Variants in PDE4B observed in about 807,000 individuals in gnomAD.
PDE4B encodes 3',5'-cyclic-AMP phosphodiesterase 4B.
PDE4B carries 20 observed loss-of-function variants against 82.2 expected under a neutral mutation model. The observed-to-expected ratio is 0.24, with a 90% CI of 0.17 to 0.35. The LOEUF (loss-of-function observed/expected upper bound fraction) is 0.35. PDE4B is among the 10% of genes least tolerant of loss of function. The pLI is 1.00. For synonymous variants in PDE4B, 320 were observed against 318.9 expected (o/e 1.00, Z -0.04); for missense variants, 655 against 907.2 (o/e 0.72, Z 3.57).
At chr1:66,367,877 T>C (rs1433278388) in intron 14 of PDE4B, 27 bp downstream of exon 14, 1 of 1,612,674 alleles carries the variant, frequency 6.2e-7, no homozygotes, top group Non-Finnish European at 8.5e-7. Flanking sequence ...TCTACATTCC[T>C]CACTTACTGC....
At position 66,372,738 on chromosome 1, in the gene PDE4B, A is replaced by T; in HGVS notation, c.*60A>T. ...TTGATGAGCATGCCAGCTATGTGGT[A>T]GGGCCAGCCCACCATGGGGGCCAAG... On this transcript the variant is annotated 3_prime_UTR_variant, in exon 17 of 17. Transcript: ENST00000341517. The T allele has an allele frequency of 6.5e-7, 1 of 1,546,358 alleles. No individual in the cohort carries two copies. The highest frequency in any genetic ancestry group is 1.4e-5 in the African/African-American group (1 of 73,420).
rs527562464 is a variant in PDE4B, at chr1:66,008,173, A to G, written c.281+89338A>G. On this transcript the variant is annotated intron_variant, in intron 3 of 16. Transcript: ENST00000341517. Reference sequence around the variant, plus strand: ...GAGAATAAACCATTAAACTAGAAGAATTAATTTCTACTTACAGAATTTGGC... The same window carrying G: ...GAGAATAAACCATTAAACTAGAAGAGTTAATTTCTACTTACAGAATTTGGC... Among the ~76,000 whole-genome samples the G allele has an allele frequency of 3.3e-5, 5 of 152,300 alleles. No homozygotes were observed. The South Asian group carries it at 1.0e-3, about 32-fold the overall frequency.
intron 3 of PDE4B, among the ~76,000 whole-genome samples, chr1:66,185,363 G>A (rs1647165812): frequency 6.6e-6 from 1 of 152,178 alleles, no homozygotes; most frequent in African/African-American, 2.4e-5. Context: ...CCCAGTAATG[G>A]GATTGCTGGG....
At chr1:66,343,080 A>C (rs55762836) in intron 8 of PDE4B, among the ~76,000 whole-genome samples, 4,899 of 152,230 alleles carry the variant, frequency 0.032, 235 homozygotes, top group African/African-American at 0.097. Flanking sequence ...ACAAAAAAAA[A>C]CAAAAAAAAC....
chr1:66,357,892 A>G (rs1662385155), intron 9 of PDE4B, among the ~76,000 whole-genome samples: 1 of 152,180 alleles, frequency 6.6e-6, no homozygotes, highest in Non-Finnish European at 1.5e-5. Flanking sequence ...CAGTTTTGCT[A>G]AGACATACCT....
intron 3 of PDE4B, among the ~76,000 whole-genome samples, chr1:66,238,661 T>C (rs1339983647): frequency 6.6e-6 from 1 of 151,856 alleles, no homozygotes; most frequent in Non-Finnish European, 1.5e-5. Flanking sequence ...GGAAGTAAAA[T>C]CATGGATGAT....
intron 3 of PDE4B, among the ~76,000 whole-genome samples, chr1:66,089,059 C>T (rs1644958335): frequency 6.6e-6 from 1 of 152,026 alleles, no homozygotes; most frequent in African/African-American, 2.4e-5. Flanking sequence ...GTTATGAAAG[C>T]ATAAGCTAGC....
intron 4 of PDE4B, 162 bp from the exon 5 acceptor site, chr1:66,257,480 TTGGAA>T (rs762799684): frequency 1.3e-6 from 1 of 797,116 alleles, no homozygotes; most frequent in Non-Finnish European, 2.3e-6. Flanking sequence ...TTTCAAGCTC[TTGGAA>T]TACCCTTTCG....
chr1:66,315,952 C>T (rs927577817), intron 7 of PDE4B, among the ~76,000 whole-genome samples: 2 of 152,206 alleles, frequency 1.3e-5, no homozygotes, highest in Non-Finnish European at 2.9e-5. Context: ...TCACTCTCCA[C>T]CCTCCTGTGT....
intron 1 of PDE4B, among the ~76,000 whole-genome samples, chr1:65,854,025 C>G (rs932596654): frequency 6.6e-6 from 1 of 152,022 alleles, no homozygotes; most frequent in African/African-American, 2.4e-5. Context: ...GCCCAGTGGT[C>G]CACATGAGAG....
intron 3 of PDE4B, among the ~76,000 whole-genome samples, chr1:66,232,830 T>C (rs548419050): frequency 1.3e-5 from 2 of 152,276 alleles, no homozygotes; most frequent in Admixed American, 6.5e-5. Context: ...CAAATCCTGA[T>C]TCTAGTGTGT....
intron 16 of PDE4B, among the ~76,000 whole-genome samples, chr1:66,371,496 A>G (rs1013834402): frequency 2.0e-5 from 3 of 152,154 alleles, no homozygotes; most frequent in African/African-American, 7.2e-5. Flanking sequence ...TGAGTAAACC[A>G]TAACAGAGCC....
intron 3 of PDE4B, among the ~76,000 whole-genome samples, chr1:66,190,703 T>C (rs529067714): frequency 9.2e-5 from 14 of 152,240 alleles, no homozygotes; most frequent in Middle Eastern, 6.8e-3. Flanking sequence ...AGTATTAGGG[T>C]GGGAGTGACC....
rs34263724 is a variant in PDE4B, at chr1:65,887,414, G to GTTTTTTTTTTTTTTT, written c.-70-25821_-70-25807dup. ...TTTTCTTTCTTTTTCTTTTTCTTCTGTTTTTTTTTTTTTTTTTTTTTTTTA... is the reference window on the plus strand; with the variant it reads ...TTTTCTTTCTTTTTCTTTTTCTTCTGTTTTTTTTTTTTTTTTTTTTTTTTTTTTTTTTTTTTTTTA... On this transcript the variant is annotated intron_variant, in intron 1 of 16. Coordinates refer to ENST00000341517, the MANE Select transcript of PDE4B (RefSeq NM_002600.4). Among the ~76,000 whole-genome samples the GTTTTTTTTTTTTTTT allele has an allele frequency of 1.8e-3, 14 of 7,734 alleles. 6 individuals are homozygous for GTTTTTTTTTTTTTTT. The highest frequency in any genetic ancestry group is 4.5e-3 in the African/African-American group (6 of 1,322). 5.1% of individuals were successfully genotyped at this position (7,734 alleles called of 152,430 possible). A position where few individuals can be genotyped will look rare whatever the true frequency, so the allele number is the denominator to read the frequency against.
chr1:65,988,963 A>G (rs1186661265), intron 3 of PDE4B, among the ~76,000 whole-genome samples: 1 of 152,196 alleles, frequency 6.6e-6, no homozygotes, highest in Non-Finnish European at 1.5e-5. Context: ...AAACATTTTA[A>G]ACCAAAGTTA....
intron 4 of PDE4B, among the ~76,000 whole-genome samples, chr1:66,255,216 C>T (rs1373963257): frequency 6.6e-6 from 1 of 152,090 alleles, no homozygotes; most frequent in African/African-American, 2.4e-5. Flanking sequence ...TCCCAAGTAG[C>T]TAGGATTACA....
chr1:65,993,905 T>C (rs563869444), intron 3 of PDE4B, among the ~76,000 whole-genome samples: 13 of 152,278 alleles, frequency 8.5e-5, no homozygotes, highest in African/African-American at 3.1e-4. Flanking sequence ...GGTAACGTCC[T>C]TAAACAGTAT....
chr1:65,968,953 A>G (rs557107967), intron 3 of PDE4B, among the ~76,000 whole-genome samples: 1 of 152,322 alleles, frequency 6.6e-6, no homozygotes, highest in South Asian at 2.1e-4. Flanking sequence ...TAAAATATTC[A>G]TAACCACATT....
At chr1:66,004,783 A>G (rs11590249) in intron 3 of PDE4B, among the ~76,000 whole-genome samples, 8,928 of 152,110 alleles carry the variant, frequency 0.059, 322 homozygotes, top group Middle Eastern at 0.2. Flanking sequence ...ATCTAGATTG[A>G]CAGAATCTAG....
Sources: gnomAD v4.1 joint callset for allele counts (sites outside exome capture counted in the v4.1 genomes callset) on GRCh38, gnomAD v4.1.1 for gene constraint, MANE v1.5 for transcripts, NCBI Gene and HGNC (gene_info 2026-07-23, HGNC 2026-07-21) for gene names.